PCGF5: variants seen among roughly 807,000 people sequenced by gnomAD.
PCGF5 encodes polycomb group ring finger 5.
A neutral mutation model predicts 44.3 loss-of-function variants in PCGF5; 9 were observed. The ratio of observed to expected loss-of-function variants is 0.20; its 90% CI spans 0.12 to 0.35. The LOEUF is 0.35. Ranked by LOEUF, PCGF5 falls within the 10% of genes least tolerant of loss-of-function variation. PCGF5 has a pLI of 1.00. For missense variants in PCGF5, 146 were observed against 305.3 expected, an observed-to-expected ratio of 0.48 and a Z score of 3.89; for synonymous variants, 95 against 102.5, an observed-to-expected ratio of 0.93 and a Z score of 0.44.
rs920475131 is a variant in PCGF5 at position 91,281,821 on chromosome 10, G to A, written c.*3505G>A. 6.6e-6 allele frequency: 1 copy of A among 152,126 alleles called. No individual in the cohort carries two copies. The highest frequency in any genetic ancestry group is 2.4e-5 in the African/African-American group (1 of 41,424). 9.4% of individuals were successfully genotyped at this position (152,126 alleles called of 1,614,324 possible). On this transcript the variant is annotated 3_prime_UTR_variant, in exon 10 of 10. Coordinates refer to ENST00000336126, the MANE Select transcript of PCGF5 (RefSeq NM_032373.5). ...TCAGAACACACTTCCTTTCAAATAT[G>A]TTCATTGTTTTTCAGCATCATCTAA...
intron 2 of PCGF5, chr10:91,227,702 T>C (rs1844885074): frequency 1.9e-6 from 2 of 1,050,170 alleles, no homozygotes; most frequent in Non-Finnish European, 2.3e-6. Context: ...AGGTATCCCG[T>C]TGACCTCAGG....
At chr10:91,217,608 G>T (rs1382278831), upstream of PCGF5, among the ~76,000 whole-genome samples, 2 of 152,152 alleles carry the variant, frequency 1.3e-5, no homozygotes, top group Non-Finnish European at 2.9e-5. Flanking sequence ...TGGTTCTCTG[G>T]AAGAGTCTGG....
chr10:91,184,373 A>T (rs930396223), intron 1 of PCGF5, among the ~76,000 whole-genome samples: 1 of 152,020 alleles, frequency 6.6e-6, no homozygotes, highest in Non-Finnish European at 1.5e-5. Context: ...TTATTCCGTT[A>T]TGAAATCCTT....
At chr10:91,160,172 T>G (rs1238198454), upstream of PCGF5, among the ~76,000 whole-genome samples, 1 of 152,134 alleles carries the variant, frequency 6.6e-6, no homozygotes, top group East Asian at 1.9e-4. Flanking sequence ...TGAAAATCTA[T>G]CCATCCTTCA....
intron 1 of PCGF5, among the ~76,000 whole-genome samples, chr10:91,170,558 A>T (rs535870586): frequency 1.3e-5 from 2 of 152,352 alleles, no homozygotes; most frequent in Admixed American, 1.3e-4. Flanking sequence ...AACAACCATG[A>T]TATACCACTA....
intron 7 of PCGF5, among the ~76,000 whole-genome samples, chr10:91,262,167 G>A (rs549909480): frequency 3.3e-5 from 5 of 152,294 alleles, no homozygotes; most frequent in Non-Finnish European, 7.4e-5. Context: ...GCTTATGCCT[G>A]TAATCCCAGC....
chr10:91,210,684 A>G (rs765863020), intron 1 of PCGF5, among the ~76,000 whole-genome samples: 13 of 152,320 alleles, frequency 8.5e-5, no homozygotes, highest in Middle Eastern at 6.8e-3. Context: ...CTAGTGCTAG[A>G]CACCTGGTAC....
At chr10:91,242,409 T>C (rs189055044) in intron 3 of PCGF5, among the ~76,000 whole-genome samples, 1 of 146,616 alleles carries the variant, frequency 6.8e-6, no homozygotes, top group African/African-American at 2.7e-5. Flanking sequence ...ATAACTTATT[T>C]TTATTAAAAT....
chr10:91,258,919 A>T (rs2133404235), intron 6 of PCGF5, among the ~76,000 whole-genome samples: 1 of 152,272 alleles, frequency 6.6e-6, no homozygotes, highest in South Asian at 2.1e-4. Context: ...AACAGTTGTG[A>T]CTTAGTGATG....
intron 3 of PCGF5, among the ~76,000 whole-genome samples, chr10:91,247,502 GT>G (rs141936773): frequency 2.2e-4 from 33 of 151,174 alleles, no homozygotes; most frequent in Admixed American, 9.3e-4. Flanking sequence ...AGGTTTTGGG[GT>G]TTTTTTTAAG....
At chr10:91,185,964 C>G (rs1334257883) in intron 1 of PCGF5, among the ~76,000 whole-genome samples, 1 of 152,156 alleles carries the variant, frequency 6.6e-6, no homozygotes, top group South Asian at 2.1e-4. Context: ...TTACTCGCCC[C>G]TTTCATTCCT....
chr10:91,238,240 G>T (rs1011145087), intron 2 of PCGF5, among the ~76,000 whole-genome samples: 2 of 152,210 alleles, frequency 1.3e-5, no homozygotes, highest in African/African-American at 4.8e-5. Context: ...CTAGAATATA[G>T]ATTAGTATTC....
chr10:91,259,420 C>G (rs1448583367), intron 6 of PCGF5, among the ~76,000 whole-genome samples: 1 of 152,080 alleles, frequency 6.6e-6, no homozygotes, highest in Non-Finnish European at 1.5e-5. Flanking sequence ...TAGAAAATGT[C>G]CCTCATGTTT....
At chr10:91,250,328 C>A (rs2133377231) in intron 5 of PCGF5, among the ~76,000 whole-genome samples, 1 of 151,952 alleles carries the variant, frequency 6.6e-6, no homozygotes, top group African/African-American at 2.4e-5. Context: ...TGCAGGGAAG[C>A]TTTTCTACAA....
intron 1 of PCGF5, among the ~76,000 whole-genome samples, chr10:91,201,867 G>T (rs1430077346): frequency 6.6e-6 from 1 of 152,082 alleles, no homozygotes; most frequent in Non-Finnish European, 1.5e-5. Flanking sequence ...TTTAGTTAAG[G>T]TTCTGTGCTT....
intron 3 of PCGF5, among the ~76,000 whole-genome samples, chr10:91,243,442 C>T (rs1845380254): frequency 6.6e-6 from 1 of 152,110 alleles, no homozygotes; most frequent in Non-Finnish European, 1.5e-5. Context: ...ACACATGTAG[C>T]AAAAAATTTA....
At chr10:91,194,823 A>G (rs1295982388) in intron 1 of PCGF5, among the ~76,000 whole-genome samples, 2 of 152,276 alleles carry the variant, frequency 1.3e-5, no homozygotes, top group East Asian at 3.9e-4. Flanking sequence ...AGATAGTATT[A>G]AGGATATGTT....
At chr10:91,270,802 CAATGTTG>C (rs1846160329) in intron 8 of PCGF5, among the ~76,000 whole-genome samples, 1 of 151,884 alleles carries the variant, frequency 6.6e-6, no homozygotes, top group African/African-American at 2.4e-5. Flanking sequence ...GAAAAGTATG[CAATGTTG>C]AATTCATATA....
rs141843170 is a variant in PCGF5, at chr10:91,182,116, T to A, written c.-184+19035T>A. On this transcript the variant is annotated intron_variant, in intron 1 of 9. Coordinates refer to the PCGF5 transcript ENST00000614189. ...AATATTCGCTGATGGTTGTTTGTAT[T>A]TCTGTGAGGTCAGCGGTAATGTCCC... Among the ~76,000 whole-genome samples the A allele has an allele frequency of 1.6e-4, 25 of 152,254 alleles. No individual in the cohort carries two copies. In the East Asian group the frequency reaches 4.6e-3, roughly 28 times the overall value.
Sources: gnomAD v4.1 joint callset for allele counts (sites outside exome capture counted in the v4.1 genomes callset) on GRCh38, gnomAD v4.1.1 for gene constraint, MANE v1.5 for transcripts, NCBI Gene and HGNC (gene_info 2026-07-23, HGNC 2026-07-21) for gene names.